The following MACROD2 variants were observed in gnomAD, a reference collection of about 807,000 sequenced individuals.
MACROD2 encodes ADP-ribose glycohydrolase MACROD2.
In MACROD2, 36 loss-of-function variants were observed where a neutral mutation model predicts 70.4. The ratio of observed to expected loss-of-function variants is 0.51; its 90% CI spans 0.39 to 0.68. The LOEUF (loss-of-function observed/expected upper bound fraction) is 0.68. Ranked by LOEUF, MACROD2 falls within the 30% of genes least tolerant of loss-of-function variation. MACROD2 has a pLI of 0.00. For synonymous variants in MACROD2, 172 were observed against 178.8 expected (o/e 0.96, Z 0.30); for missense variants, 496 against 538.4 (o/e 0.92, Z 0.78).
At chr20:14,191,811 A>C (rs2081390345) in intron 3 of MACROD2, among the ~76,000 whole-genome samples, 1 of 152,226 alleles carries the variant, frequency 6.6e-6, no homozygotes, top group South Asian at 2.1e-4. Context: ...GCTCATGCAG[A>C]GAGAGATGAG....
intron 8 of MACROD2, among the ~76,000 whole-genome samples, chr20:15,681,184 G>A (rs1291441688): frequency 1.3e-5 from 2 of 152,168 alleles, no homozygotes; most frequent in Non-Finnish European, 2.9e-5. Context: ...CTTGGGTCTT[G>A]TACTCTTGGT....
At chr20:15,091,219 G>A (rs1035367157) in intron 5 of MACROD2, among the ~76,000 whole-genome samples, 14 of 151,820 alleles carry the variant, frequency 9.2e-5, no homozygotes, top group African/African-American at 3.1e-4. Flanking sequence ...CTCTGGTATG[G>A]TCTGGGATCC....
At chr20:14,640,859 C>T (rs1186413011) in intron 4 of MACROD2, among the ~76,000 whole-genome samples, 1 of 152,184 alleles carries the variant, frequency 6.6e-6, no homozygotes, top group Non-Finnish European at 1.5e-5. Flanking sequence ...CAGGTGGAGG[C>T]TCTTGCCTCA....
At chr20:14,640,311 G>A (rs975699861) in intron 4 of MACROD2, among the ~76,000 whole-genome samples, 25 of 152,176 alleles carry the variant, frequency 1.6e-4, no homozygotes, top group Admixed American at 1.4e-3. Context: ...GATTTCTGCT[G>A]TTGACATAGT....
chr20:15,950,375 G>A (rs1046336854), intron 12 of MACROD2, among the ~76,000 whole-genome samples: 1 of 152,164 alleles, frequency 6.6e-6, no homozygotes, highest in Admixed American at 6.5e-5. Flanking sequence ...ATAGCAGGAT[G>A]AGGAAGGAGG....
At chr20:15,556,666 GGA>G (rs925822227) in intron 8 of MACROD2, among the ~76,000 whole-genome samples, 2 of 152,106 alleles carry the variant, frequency 1.3e-5, no homozygotes, top group Non-Finnish European at 2.9e-5. Context: ...AAAGCATTTG[GGA>G]GATATTACCA....
intron 5 of MACROD2, among the ~76,000 whole-genome samples, chr20:14,738,242 C>A (rs1367875434): frequency 6.6e-6 from 1 of 151,768 alleles, no homozygotes; most frequent in Non-Finnish European, 1.5e-5. Flanking sequence ...AGAATAATTT[C>A]AAAAAATATT....
intron 10 of MACROD2, among the ~76,000 whole-genome samples, chr20:15,918,648 G>A (rs2065355708): frequency 6.6e-6 from 1 of 152,212 alleles, no homozygotes; most frequent in African/African-American, 2.4e-5. Flanking sequence ...AGATATGGGA[G>A]AACTAGAATA....
chr20:14,494,853 T>C (rs528087678), intron 4 of MACROD2, among the ~76,000 whole-genome samples: 1 of 152,268 alleles, frequency 6.6e-6, no homozygotes, highest in East Asian at 1.9e-4. Flanking sequence ...TTTCCAGTAA[T>C]TTTTTCTCTC....
chr20:15,505,606 G>A (rs1474533051), intron 8 of MACROD2, among the ~76,000 whole-genome samples: 1 of 152,088 alleles, frequency 6.6e-6, no homozygotes, highest in Non-Finnish European at 1.5e-5. Context: ...CTACTCCAAG[G>A]GAATTCCCTA....
chr20:15,101,753 A>C (rs951985190), intron 5 of MACROD2, among the ~76,000 whole-genome samples: 9 of 152,006 alleles, frequency 5.9e-5, no homozygotes, highest in Non-Finnish European at 1.0e-4. Flanking sequence ...ACTTTGGAGT[A>C]ATTTATAATC....
intron 8 of MACROD2, among the ~76,000 whole-genome samples, chr20:15,703,710 T>G (rs1047415583): frequency 6.6e-6 from 1 of 152,124 alleles, no homozygotes; most frequent in African/African-American, 2.4e-5. Context: ...GCACTTACAA[T>G]GCTGATCTGG....
At chr20:14,705,594 T>A (rs1280528284) in intron 5 of MACROD2, among the ~76,000 whole-genome samples, 1 of 152,190 alleles carries the variant, frequency 6.6e-6, no homozygotes, top group Non-Finnish European at 1.5e-5. Flanking sequence ...GCCATCTATT[T>A]TATGGGAGTA....
chr20:15,664,231 G>C (rs550576089), intron 8 of MACROD2, among the ~76,000 whole-genome samples: 1 of 152,272 alleles, frequency 6.6e-6, no homozygotes, highest in African/African-American at 2.4e-5. Flanking sequence ...AAGAAAATAG[G>C]GGGGATGGAA....
chr20:14,376,945 G>A (rs2083377715), intron 3 of MACROD2, among the ~76,000 whole-genome samples: 1 of 151,908 alleles, frequency 6.6e-6, no homozygotes, highest in Admixed American at 6.6e-5. Context: ...AAATTTGAAA[G>A]ATTTCTTGTG....
rs185540529 is a variant in MACROD2, at chr20:14,227,069, A to G, written c.271+141341A>G. On this transcript the variant is annotated intron_variant, in intron 3 of 17. Coordinates refer to ENST00000684519, the MANE Select transcript of MACROD2 (RefSeq NM_001351661.2). ...CTAGCTCAAGGTTTGTAAACACACC[A>G]ATCAGCACCCTGTGTCTAGCTCAGG... Among the ~76,000 whole-genome samples, 285 of 152,314 alleles carry G rather than the reference A, an allele frequency of 1.9e-3. 1 individual carries two copies. The highest frequency in any genetic ancestry group is 4.3e-3 in the South Asian group (21 of 4,832).
intron 6 of MACROD2, among the ~76,000 whole-genome samples, chr20:15,400,885 C>T (rs1217666347): frequency 6.6e-6 from 1 of 152,156 alleles, no homozygotes; most frequent in African/African-American, 2.4e-5. Flanking sequence ...GCAGGCCTCT[C>T]ATTTGTGCCC....
intron 8 of MACROD2, among the ~76,000 whole-genome samples, chr20:15,777,774 A>G (rs2147032271): frequency 6.6e-6 from 1 of 152,072 alleles, no homozygotes; most frequent in African/African-American, 2.4e-5. Flanking sequence ...CCTCCCGAGT[A>G]GCTGGGATTA....
intron 8 of MACROD2, among the ~76,000 whole-genome samples, chr20:15,790,768 C>T (rs2063617281): frequency 6.6e-6 from 1 of 151,668 alleles, no homozygotes; most frequent in Non-Finnish European, 1.5e-5. Flanking sequence ...AATTGTATAC[C>T]TAGTAAATGC....
Sources: gnomAD v4.1 joint callset for allele counts (sites outside exome capture counted in the v4.1 genomes callset) on GRCh38, gnomAD v4.1.1 for gene constraint, MANE v1.5 for transcripts, NCBI Gene and HGNC (gene_info 2026-07-23, HGNC 2026-07-21) for gene names.